Variants in MCTP2 observed in about 807,000 individuals in gnomAD.
The protein encoded by MCTP2 is multiple C2 and transmembrane domain-containing protein 2.
A neutral mutation model predicts 111.6 loss-of-function variants in MCTP2; 132 were observed. The observed-to-expected ratio is 1.18, with a 90% CI of 1.03 to 1.37. The LOEUF is 1.37. MCTP2 is among the 40% of genes most tolerant of loss of function. MCTP2 has a pLI of 0.00. For synonymous variants in MCTP2, 395 were observed against 387.7 expected (o/e 1.02, Z -0.22); for missense variants, 1,183 against 1,067.9 (o/e 1.11, Z -1.50).
intron 7 of MCTP2, among the ~76,000 whole-genome samples, chr15:94,344,750 A>G (rs940296208): frequency 2.0e-5 from 3 of 152,240 alleles, no homozygotes; most frequent in African/African-American, 7.2e-5. Flanking sequence ...ATCAGTGGTC[A>G]TGAATTTCTT....
At chr15:94,413,828 G>A (rs928601329) in intron 17 of MCTP2, among the ~76,000 whole-genome samples, 2 of 152,052 alleles carry the variant, frequency 1.3e-5, no homozygotes, top group African/African-American at 4.8e-5. Flanking sequence ...TGGGCATGAG[G>A]CATTGTCAAA....
intron 1 of MCTP2, among the ~76,000 whole-genome samples, chr15:94,236,666 T>G (rs1300794303): frequency 6.6e-6 from 1 of 152,174 alleles, no homozygotes; most frequent in Non-Finnish European, 1.5e-5. Flanking sequence ...GTTGCCTGCC[T>G]AGTTGTGCTA....
In MCTP2 at chr15:94,440,149, G is replaced by A. The variant is rs777084297; in HGVS notation, c.2086-27G>A. On this transcript the variant is annotated intron_variant, in intron 17 of 22. Transcript: ENST00000357742. ...TCCCCTAGTGTTTTATCAAGCAGTCGTGTATTCTTATTTGTCTTTCAATCA... is the reference window on the plus strand; with the variant it reads ...TCCCCTAGTGTTTTATCAAGCAGTCATGTATTCTTATTTGTCTTTCAATCA... 3.1e-5 allele frequency: 50 copies of A among 1,612,102 alleles called. 1 individual carries two copies. In the African/African-American group the frequency reaches 4.3e-4, roughly 14 times the overall value.
chr15:94,344,071 A>C (rs534007873), intron 7 of MCTP2: 75 of 152,202 alleles, frequency 4.9e-4, no homozygotes, highest in African/African-American at 1.8e-3. Context: ...ATACAAAAAA[A>C]AAAAACAAAA....
In MCTP2 at chr15:94,245,206, T is replaced by A. The variant is rs193295738; in HGVS notation, c.-66+13542T>A. ...TATACACACATATGTATGTATATAT[T>A]TATACATATGTGTATATATACATAT... On this transcript the variant is annotated intron_variant, in intron 1 of 22. Transcript: ENST00000357742. Among the ~76,000 whole-genome samples, 10 of 136,488 alleles carry A rather than the reference T, an allele frequency of 7.3e-5. No homozygotes were observed. The East Asian group carries it at 1.8e-3, about 24-fold the overall frequency. The allele number at this position is 136,488 out of a possible 152,430, so 89.5% of individuals were successfully genotyped here. A position where few individuals can be genotyped will look rare whatever the true frequency, so the allele number is the denominator to read the frequency against.
intron 19 of MCTP2, among the ~76,000 whole-genome samples, chr15:94,448,351 G>T (rs1596747635): frequency 6.6e-6 from 1 of 152,136 alleles, no homozygotes; most frequent in East Asian, 1.9e-4. Context: ...CAAATATTAT[G>T]AAATGTGATA....
chr15:94,333,804 C>T (rs749332414), intron 4 of MCTP2, among the ~76,000 whole-genome samples: 2 of 152,174 alleles, frequency 1.3e-5, no homozygotes, highest in Non-Finnish European at 2.9e-5. Context: ...AGGAAGCAGC[C>T]AGTCCTTATG....
intron 1 of MCTP2, among the ~76,000 whole-genome samples, chr15:94,287,998 A>G (rs1023345134): frequency 1.3e-5 from 2 of 152,154 alleles, no homozygotes; most frequent in Non-Finnish European, 2.9e-5. Context: ...CGGCTCCCCA[A>G]CAGTCTTGTG....
At position 94,356,139 on chromosome 15, in the gene MCTP2, C is replaced by T. The variant is rs200476577; in HGVS notation, c.1008C>T (p.Ser336=). 26 of 1,583,188 alleles carry T rather than the reference C, an allele frequency of 1.6e-5. No homozygotes were observed. The African/African-American group carries it at 2.9e-4, about 17-fold the overall frequency. Residue 336 remains serine (S), a splice_region_variant and synonymous_variant, in exon 9 of 23, where the codon TCC becomes TCT. Transcript: ENST00000357742. ...GTCATCTTTATTTTTTGCTTTAGTC[C>T]TCTTTGATACGCAACCTACGGCTCT... ...SNRKRLSASK[S]SLIRNLRLSE...
At chr15:94,318,262 CA>C (rs1350271982) in intron 4 of MCTP2, among the ~76,000 whole-genome samples, 3 of 139,798 alleles carry the variant, frequency 2.1e-5, no homozygotes, top group Admixed American at 7.4e-5. Context: ...GGAATTTCTT[CA>C]AAAAAAAAAT....
intron 2 of MCTP2, among the ~76,000 whole-genome samples, chr15:94,299,224 T>C (rs193295935): frequency 2.0e-5 from 3 of 152,034 alleles, no homozygotes; most frequent in Admixed American, 2.0e-4. Flanking sequence ...TCTTCCAGAA[T>C]ACTTTAGGAC....
intron 14 of MCTP2, among the ~76,000 whole-genome samples, chr15:94,393,346 A>G (rs1350292021): frequency 1.3e-5 from 2 of 152,236 alleles, no homozygotes; most frequent in African/African-American, 4.8e-5. Flanking sequence ...GAAATCACTT[A>G]ATTTATAATA....
intron 17 of MCTP2, among the ~76,000 whole-genome samples, chr15:94,408,950 G>A (rs1354975362): frequency 6.6e-6 from 1 of 152,196 alleles, no homozygotes. Context: ...TGAGCTTTCT[G>A]TTGGTGTGCA....
At chr15:94,354,967 A>G (rs1361427157) in intron 8 of MCTP2, among the ~76,000 whole-genome samples, 1 of 152,234 alleles carries the variant, frequency 6.6e-6, no homozygotes, top group Non-Finnish European at 1.5e-5. Flanking sequence ...CACCATTTAC[A>G]TTCTTCAGCC....
chr15:94,440,423 G>A (rs2083715212), intron 18 of MCTP2, 125 bp downstream of exon 18: 13 of 1,197,394 alleles, frequency 1.1e-5, no homozygotes, highest in Non-Finnish European at 1.5e-5. Flanking sequence ...CCCTGCAAAG[G>A]CACTCATTTT....
At chr15:94,413,734 AAAC>A (rs2082256429) in intron 17 of MCTP2, among the ~76,000 whole-genome samples, 1 of 152,194 alleles carries the variant, frequency 6.6e-6, no homozygotes, top group Non-Finnish European at 1.5e-5. Flanking sequence ...CTAGGGATAA[AAAC>A]AAAACATAAA....
At chr15:94,260,674 C>T (rs1359473401) in intron 1 of MCTP2, among the ~76,000 whole-genome samples, 1 of 152,120 alleles carries the variant, frequency 6.6e-6, no homozygotes, top group Non-Finnish European at 1.5e-5. Flanking sequence ...AGAGTACACT[C>T]TCAGATATCC....
intron 4 of MCTP2, among the ~76,000 whole-genome samples, chr15:94,338,209 C>T (rs1311915855): frequency 1.3e-5 from 2 of 150,758 alleles, no homozygotes; most frequent in African/African-American, 4.9e-5. Context: ...GGGGAGATAC[C>T]AGTGAACAGA....
chr15:94,422,090 ATGT>A (rs1347761189), intron 17 of MCTP2, among the ~76,000 whole-genome samples: 1 of 152,198 alleles, frequency 6.6e-6, no homozygotes, highest in African/African-American at 2.4e-5. Context: ...TAGAAGTCAC[ATGT>A]TGTGGGCAAC....
Sources: gnomAD v4.1 joint callset for allele counts (sites outside exome capture counted in the v4.1 genomes callset) on GRCh38, gnomAD v4.1.1 for gene constraint, MANE v1.5 for transcripts, NCBI Gene and HGNC (gene_info 2026-07-23, HGNC 2026-07-21) for gene names.